RBPJ: variants seen among roughly 807,000 people sequenced by gnomAD.
RBPJ encodes the protein recombination signal binding protein for immunoglobulin kappa J region.
RBPJ carries 9 observed loss-of-function variants against 67.8 expected under a neutral mutation model. The observed-to-expected ratio is 0.13, with a 90% CI of 0.08 to 0.23. RBPJ has a LOEUF of 0.23. Ranked by LOEUF, RBPJ falls within the 10% of genes least tolerant of loss-of-function variation. The pLI is 1.00. For missense variants in RBPJ, 305 were observed against 595.6 expected, an observed-to-expected ratio of 0.51 and a Z score of 5.08; for synonymous variants, 198 against 203.3, an observed-to-expected ratio of 0.97 and a Z score of 0.22.
At chr4:26,118,272 A>T in the RBPJ span, among the ~76,000 whole-genome samples, 1 of 152,158 alleles carries the variant, frequency 6.6e-6, no homozygotes, top group Non-Finnish European at 1.5e-5. Flanking sequence ...TGGTCTGGAG[A>T]ATTAGAGACA....
intron 2 of RBPJ, among the ~76,000 whole-genome samples, chr4:26,386,997 T>G (rs1321208283): frequency 6.6e-6 from 1 of 151,662 alleles, no homozygotes; most frequent in Non-Finnish European, 1.5e-5. Flanking sequence ...GAAAATGAGA[T>G]ATATATATAT....
chr4:26,427,068 A>G (rs1359243792), intron 7 of RBPJ, among the ~76,000 whole-genome samples: 1 of 152,174 alleles, frequency 6.6e-6, no homozygotes, highest in African/African-American at 2.4e-5. Context: ...AAGCAGAGAG[A>G]CAGGTGCTTG....
At chr4:26,254,119 C>A (rs1245029288) in intron 1 of RBPJ, among the ~76,000 whole-genome samples, 1 of 148,882 alleles carries the variant, frequency 6.7e-6, no homozygotes, top group Non-Finnish European at 1.5e-5. Context: ...CATCCTGGGT[C>A]CACATCATTC....
At chr4:26,397,607 A>G (rs7665308) in intron 2 of RBPJ, among the ~76,000 whole-genome samples, 2,809 of 152,094 alleles carry the variant, frequency 0.018, 92 homozygotes, top group African/African-American at 0.064. Flanking sequence ...GTTGCATATT[A>G]TTAGTCTCTG....
chr4:26,328,664 T>C (rs921060932), intron 1 of RBPJ, among the ~76,000 whole-genome samples: 4 of 152,210 alleles, frequency 2.6e-5, no homozygotes, highest in East Asian at 3.8e-4. Flanking sequence ...CTCATTGCTC[T>C]GTTGCTCAGC....
chr4:26,142,973 G>T, the RBPJ span, among the ~76,000 whole-genome samples: 3 of 152,028 alleles, frequency 2.0e-5, no homozygotes, highest in African/African-American at 4.8e-5. Context: ...GTAGAGATGG[G>T]GTTTCATCAT....
the RBPJ span, among the ~76,000 whole-genome samples, chr4:26,147,389 G>A: frequency 2.6e-5 from 4 of 152,206 alleles, no homozygotes; most frequent in Non-Finnish European, 5.9e-5. Context: ...CACTTTCAAA[G>A]TCTGTTACCT....
At chr4:26,316,629 C>T (rs1722645330), upstream of RBPJ, among the ~76,000 whole-genome samples, 1 of 140,846 alleles carries the variant, frequency 7.1e-6, no homozygotes, top group Non-Finnish European at 1.5e-5. Context: ...TATATATACA[C>T]ATATTGATAT....
Position 26,414,411 on chromosome 4 carries a change from C to T in RBPJ, c.156-1064C>T, listed in dbSNP as rs142820212. ...CTCAAACTCCTGGGCTCAAGCAGTC[C>T]GCCTGCCTCTGCCTCCCAAAGTGTT... On this transcript the variant is annotated intron_variant, in intron 3 of 10. Coordinates refer to ENST00000355476, the MANE Select transcript of RBPJ (RefSeq NM_015874.6). Among the ~76,000 whole-genome samples, 909 of 152,236 alleles carry T rather than the reference C, an allele frequency of 6.0e-3. 12 individuals are homozygous for T. Among genetic ancestry groups the T allele is most frequent in the African/African-American group, 0.021 (869 of 41,546 alleles).
intron 1 of RBPJ, among the ~76,000 whole-genome samples, chr4:26,245,440 C>T (rs1719897241): frequency 6.6e-6 from 1 of 151,994 alleles, no homozygotes; most frequent in Non-Finnish European, 1.5e-5. Context: ...AACTCCTGAC[C>T]TTGTGGTCCA....
At chr4:26,247,423 G>A (rs1377891200) in intron 1 of RBPJ, among the ~76,000 whole-genome samples, 1 of 150,888 alleles carries the variant, frequency 6.6e-6, no homozygotes, top group Non-Finnish European at 1.5e-5. Flanking sequence ...TTTTTTGGGT[G>A]GAGGGGGACG....
the RBPJ span, among the ~76,000 whole-genome samples, chr4:26,157,103 ACAAACAAAC>A: frequency 4.5e-5 from 6 of 134,120 alleles, no homozygotes; most frequent in South Asian, 7.5e-4. Context: ...ACAAACAAAA[ACAAACAAAC>A]AAACAAAAAA....
intron 3 of RBPJ, among the ~76,000 whole-genome samples, chr4:26,406,545 G>T (rs1327470516): frequency 1.3e-5 from 2 of 152,152 alleles, no homozygotes; most frequent in Non-Finnish European, 1.5e-5. Flanking sequence ...GGTGCCCCTC[G>T]CAGATGGAAC....
chr4:26,295,245 A>AGT (rs71932374), intron 1 of RBPJ, among the ~76,000 whole-genome samples: 8,215 of 146,986 alleles, frequency 0.056, 321 homozygotes, highest in African/African-American at 0.12. Context: ...AGGGTGCATC[A>AGT]GTGTGTGTGT....
At chr4:26,382,442 C>T (rs868529595) in intron 1 of RBPJ, among the ~76,000 whole-genome samples, 37 of 152,362 alleles carry the variant, frequency 2.4e-4, no homozygotes, top group South Asian at 1.4e-3. Context: ...AGTACCTTAG[C>T]ATAACTTGAC....
the RBPJ span, among the ~76,000 whole-genome samples, chr4:26,154,121 GACAA>G: frequency 1.3e-5 from 2 of 152,084 alleles, no homozygotes; most frequent in African/African-American, 2.4e-5. Flanking sequence ...TCCTTTAGAG[GACAA>G]ACAAAGATAC....
At chr4:26,117,859 T>C in the RBPJ span, among the ~76,000 whole-genome samples, 1 of 152,034 alleles carries the variant, frequency 6.6e-6, no homozygotes, top group Non-Finnish European at 1.5e-5. Context: ...CATAACTGCT[T>C]ATGATATAAT....
the RBPJ span, among the ~76,000 whole-genome samples, chr4:26,120,714 CTTTTTTTTTTTT>C: frequency 1.2e-5 from 1 of 83,014 alleles, no homozygotes; most frequent in African/African-American, 4.8e-5. Context: ...ATTTTCTCAA[CTTTTTTTTTTTT>C]TTTTTTTTTT....
chr4:26,108,972 A>G, the RBPJ span, among the ~76,000 whole-genome samples: 1 of 152,126 alleles, frequency 6.6e-6, no homozygotes, highest in Non-Finnish European at 1.5e-5. Context: ...CAGTGGCACT[A>G]TAAAGTCTGT....
Sources: allele counts gnomAD v4.1 joint callset (sites outside exome capture counted in the v4.1 genomes callset), GRCh38; gene constraint gnomAD v4.1.1; transcripts MANE v1.5; gene names NCBI Gene and HGNC (gene_info 2026-07-23, HGNC 2026-07-21).